ABCC5: variants seen among roughly 807,000 people sequenced by gnomAD.
The protein encoded by ABCC5 is ATP-binding cassette sub-family C member 5.
Under a neutral mutation model 160.9 loss-of-function variants are expected in ABCC5, and 61 were observed. That is an observed-to-expected ratio of 0.38 (90% confidence interval 0.31 to 0.47). The LOEUF (loss-of-function observed/expected upper bound fraction) is 0.47, where lower values mean the gene tolerates loss of function less well. ABCC5 is among the 20% of genes least tolerant of loss of function. The pLI is 0.99. For synonymous variants in ABCC5, 666 were observed against 700.6 expected, an observed-to-expected ratio of 0.95 and a Z score of 0.78; for missense variants, 1,308 against 1,813.3, an observed-to-expected ratio of 0.72 and a Z score of 5.06.
chr3:183,924,076 C>T (rs984629757), intron 29 of ABCC5, among the ~76,000 whole-genome samples: 2 of 140,910 alleles, frequency 1.4e-5, no homozygotes, highest in Non-Finnish European at 3.0e-5. Context: ...AGTGCAGTGG[C>T]GCTATCTCAG....
At chr3:183,967,470 G>C in intron 12 of ABCC5, 1 of 515,692 alleles carries the variant, frequency 1.9e-6, no homozygotes, top group Non-Finnish European at 3.5e-6. Context: ...GTTCCAGCTG[G>C]GACAACAGTC....
chr3:184,002,315 C>T (rs939919568), intron 2 of ABCC5, among the ~76,000 whole-genome samples: 3 of 151,560 alleles, frequency 2.0e-5, no homozygotes. Context: ...AGGAGAATTG[C>T]TTGAACCAAG....
intron 17 of ABCC5, 83 bp downstream of exon 17, chr3:183,959,650 C>A: frequency 9.4e-7 from 1 of 1,065,082 alleles, no homozygotes; most frequent in Non-Finnish European, 1.4e-6. Context: ...ACACTGCTAT[C>A]AAACATCATG....
In ABCC5 at chr3:183,925,647, C is replaced by T. The variant is rs200454311; in HGVS notation, c.4120G>A (p.Glu1374Lys). The T allele has an allele frequency of 1.9e-6, 3 of 1,614,104 alleles. No homozygotes were observed. The highest frequency in any genetic ancestry group is 2.5e-6 in the Non-Finnish European group (3 of 1,180,016). The part of the protein sequence containing the change: ...TDLLIQETIR[E>K]AFADCTMLTI... ...AGCATGGTACAGTCTGCAAATGCTT[C>T]TCGGATGGTCTCTTGAATCAATAAG... The change falls in exon 29 of 30, where the codon GAA becomes AAA. Residue 1374 changes from glutamate to lysine, a missense_variant. Physicochemically the swap from Glu to Lys is moderately conservative, Grantham distance 56. This residue lies in a region of ABCC5 where 163 missense variants were observed against 269.7 expected (regional missense o/e 0.60). Transcript: ENST00000334444.
At chr3:183,965,140 T>C in intron 14 of ABCC5, 45 bp downstream of exon 14, 1 of 1,598,892 alleles carries the variant, frequency 6.3e-7, no homozygotes, top group Non-Finnish European at 8.6e-7. Context: ...CTGGCCCAGC[T>C]CTGCCACTCT....
At chr3:183,996,590 C>T (rs1330038234) in intron 2 of ABCC5, among the ~76,000 whole-genome samples, 1 of 152,084 alleles carries the variant, frequency 6.6e-6, no homozygotes, top group South Asian at 2.1e-4. Flanking sequence ...GTCTTCATTC[C>T]CCAGGTTTCT....
intron 5 of ABCC5, chr3:183,984,755 A>G: frequency 6.5e-7 from 1 of 1,538,926 alleles, no homozygotes; most frequent in Non-Finnish European, 8.7e-7. Flanking sequence ...CTTCTTTTCC[A>G]GTATGCAATC....
chr3:183,936,850 C>T (rs1453804743), intron 26 of ABCC5, among the ~76,000 whole-genome samples: 1 of 152,148 alleles, frequency 6.6e-6, no homozygotes, highest in East Asian at 1.9e-4. Flanking sequence ...GATGGAAATC[C>T]ACTGTTTTCA....
Position 183,987,464 on chromosome 3 carries a change from G to A in ABCC5, c.591+306C>T. ...ACTCATAGCACTGCAAGACACATCT[G>A]CCTGCACCGACTGTCAGTTCATGTT... On this transcript the variant is annotated intron_variant, in intron 5 of 29. Coordinates refer to ENST00000334444, the MANE Select transcript of ABCC5 (RefSeq NM_005688.4). This position sits in a 1 kb window ranked among gnomAD's most constrained non-coding sequence, Gnocchi z 4.2. The A allele has an allele frequency of 1.7e-6, 1 of 595,826 alleles. No homozygotes were observed. The allele number at this position is 595,826 out of a possible 1,614,324, so 36.9% of individuals were successfully genotyped here.
chr3:183,971,564 T>C lies in ABCC5; in HGVS notation c.1760A>G (p.Glu587Gly), dbSNP rs764627104. 3.2e-5 allele frequency: 52 copies of C among 1,612,824 alleles called. No homozygotes were observed. The highest frequency in any genetic ancestry group is 4.4e-5 in the Non-Finnish European group (52 of 1,179,736). ...TLHSIDLEIQ[E>G]GKLVGICGSV... ...GGAGGCAGGGGGCGGACCACTTACC[T>C]CTTGGATCTCCAGATCGATGCTGTG... is the stretch of plus-strand genomic sequence containing the variant. The change falls in exon 11 of 30, where the codon GAG becomes GGG. Residue 587 changes from glutamate to glycine, a missense_variant and splice_region_variant. Transcript: ENST00000334444.
In ABCC5 at chr3:183,989,176, A is replaced by AC. The variant is rs751720899; in HGVS notation, c.287+49_287+50insG. On this transcript the variant is annotated intron_variant, in intron 3 of 29. Coordinates refer to ENST00000334444, the MANE Select transcript of ABCC5 (RefSeq NM_005688.4). ...CCATCTCAAAAAAAAAAAAAAAAAA[A>AC]AAAAAAGGCCTTTGATGCTTCACTG... is the stretch of plus-strand genomic sequence containing the variant. The AC allele has an allele frequency of 1.2e-5, 15 of 1,298,688 alleles. No individual in the cohort carries two copies. The East Asian group carries it at 4.3e-4, about 37-fold the overall frequency. The allele number at this position is 1,298,688 out of a possible 1,614,324, so 80.4% of individuals were successfully genotyped here.
intron 2 of ABCC5, among the ~76,000 whole-genome samples, chr3:184,011,617 T>C (rs947858703): frequency 6.6e-6 from 1 of 152,242 alleles, no homozygotes; most frequent in African/African-American, 2.4e-5. Flanking sequence ...AGCACCTTTA[T>C]GTATAATTGC....
chr3:184,006,072 G>A (rs895951904), intron 2 of ABCC5, among the ~76,000 whole-genome samples: 4 of 152,234 alleles, frequency 2.6e-5, no homozygotes, highest in East Asian at 1.9e-4. Flanking sequence ...TGATGATCCC[G>A]GCAGCAGCCC....
rs1716980186 is a variant in ABCC5 at position 183,963,699 on chromosome 3, T to C, written c.2032-111A>G. The C allele has an allele frequency of 3.2e-6, 3 of 928,980 alleles. No individual in the cohort carries two copies. The highest frequency in any genetic ancestry group is 4.6e-6 in the Non-Finnish European group (3 of 647,700). The allele number at this position is 928,980 out of a possible 1,614,324, so 57.5% of individuals were successfully genotyped here. On this transcript the variant is annotated intron_variant, in intron 14 of 29. Coordinates refer to ENST00000334444, the MANE Select transcript of ABCC5 (RefSeq NM_005688.4). The surrounding 1 kb of genome is among the most constrained non-coding windows in gnomAD (Gnocchi z 4.6). ...CACCCAGACCAGCTCCTTCTGTCAATTCCCCGCAGATGAACTGCCATGCTG... is the reference window on the plus strand; with the variant it reads ...CACCCAGACCAGCTCCTTCTGTCAACTCCCCGCAGATGAACTGCCATGCTG...
At chr3:183,925,899 C>T (rs1369662093) in intron 28 of ABCC5, among the ~76,000 whole-genome samples, 180 bp from the exon 29 acceptor site, 1 of 144,482 alleles carries the variant, frequency 6.9e-6, no homozygotes, top group Admixed American at 6.9e-5. Context: ...AGTGCAGTGG[C>T]GCAATCTCGG....
Position 183,963,375 on chromosome 3 carries a change from A to T in ABCC5, c.2235+10T>A, listed in dbSNP as rs757645140. On this transcript the variant is annotated intron_variant, in intron 15 of 29. Transcript: ENST00000334444. The surrounding 1 kb of genome is among the most constrained non-coding windows in gnomAD (Gnocchi z 4.6). ...CTCAGGCAGGCAGCCGAGGGAAGAAAGAACCATACCTGTAACTGGTGGGTA... is the reference window on the plus strand; with the variant it reads ...CTCAGGCAGGCAGCCGAGGGAAGAATGAACCATACCTGTAACTGGTGGGTA... The T allele has an allele frequency of 1.9e-6, 3 of 1,614,176 alleles. No individual in the cohort carries two copies. Among genetic ancestry groups the T allele is most frequent in the Non-Finnish European group, 2.5e-6 (3 of 1,179,972 alleles).
chr3:183,950,221 T>C (rs1317678761), intron 20 of ABCC5, 96 bp from the exon 21 acceptor site: 2 of 1,349,382 alleles, frequency 1.5e-6, no homozygotes, highest in Non-Finnish European at 2.0e-6. Flanking sequence ...ACTCTCTATC[T>C]GAAGTTTGTG....
chr3:183,928,722 G>A (rs756385439), intron 27 of ABCC5, 25 bp downstream of exon 27: 42 of 1,607,684 alleles, frequency 2.6e-5, no homozygotes, highest in South Asian at 3.3e-5. Flanking sequence ...ATCTCAGCAC[G>A]GCTTCCCCTA....
intron 26 of ABCC5, among the ~76,000 whole-genome samples, chr3:183,932,108 T>C (rs989155767): frequency 2.6e-5 from 4 of 152,190 alleles, no homozygotes; most frequent in African/African-American, 9.7e-5. Context: ...CTCGGTATAG[T>C]AGAAAACACT....
Sources: allele counts gnomAD v4.1 joint callset (sites outside exome capture counted in the v4.1 genomes callset), GRCh38; gene constraint gnomAD v4.1.1; regional missense constraint gnomAD v4.1.1; non-coding constraint Gnocchi (gnomAD v3.1); transcripts MANE v1.5; gene names NCBI Gene and HGNC (gene_info 2026-07-23, HGNC 2026-07-21).